Variants in TFRC observed in about 807,000 individuals in gnomAD.
The protein encoded by TFRC is transferrin receptor protein 1.
A neutral mutation model predicts 85.8 loss-of-function variants in TFRC; 35 were observed. That is an observed-to-expected ratio of 0.41 (90% CI 0.31 to 0.54). The LOEUF is 0.54. Among genes scored for constraint, TFRC ranks in the 20% least tolerant of loss-of-function variants. TFRC has a pLI of 0.31. For synonymous variants in TFRC, 362 were observed against 328.6 expected (o/e 1.10, Z -1.10); for missense variants, 828 against 921.5 (o/e 0.90, Z 1.31).
In TFRC at chr3:196,074,247, T is replaced by TAA. The variant is rs1053069092; in HGVS notation, c.239-124_239-123dup. ...GTTTTCATCAAATTCTAAGTAGTTT[T>TAA]AAAGTATATAATGCATCTCAGTTTT... On this transcript the variant is annotated intron_variant, in intron 3 of 18. Coordinates refer to ENST00000360110, the MANE Select transcript of TFRC (RefSeq NM_001128148.3). 2.0e-4 allele frequency: 179 copies of TAA among 875,136 alleles called. No individual in the cohort carries two copies. The African/African-American group carries it at 2.3e-3, about 11-fold the overall frequency. 54.2% of individuals were successfully genotyped at this position (875,136 alleles called of 1,614,324 possible).
In TFRC at chr3:196,051,816, G is replaced by T; in HGVS notation, c.*126C>A. 4 of 1,147,696 alleles carry T rather than the reference G, an allele frequency of 3.5e-6. No individual in the cohort carries two copies. Among genetic ancestry groups the T allele is most frequent in the Non-Finnish European group, 3.7e-6 (3 of 806,172 alleles). The allele number at this position is 1,147,696 out of a possible 1,614,324, so 71.1% of individuals were successfully genotyped here. A position where few individuals can be genotyped will look rare whatever the true frequency, so the allele number is the denominator to read the frequency against. Reference sequence around the variant, plus strand: ...AGCTGCTGCCTAAAGACATCTAGTAGTACCAAGATGATGGGATGGAATTTT... The same window carrying T: ...AGCTGCTGCCTAAAGACATCTAGTATTACCAAGATGATGGGATGGAATTTT... On this transcript the variant is annotated 3_prime_UTR_variant, in exon 19 of 19. Transcript: ENST00000360110.
Position 196,071,919 on chromosome 3 carries a change from A to C in TFRC, c.584+84T>G, listed in dbSNP as rs904106337. 1.6e-5 allele frequency: 24 copies of C among 1,480,686 alleles called. No homozygotes were observed. In the Admixed American group the frequency reaches 2.0e-4, roughly 12 times the overall value. The allele number at this position is 1,480,686 out of a possible 1,614,324, so 91.7% of individuals were successfully genotyped here. On this transcript the variant is annotated intron_variant, in intron 5 of 18. Transcript: ENST00000360110. ...ACTCCATTTCAAAAAAAAGCCAACAACACTAACAAAAAGTCTTTGCTATAT... is the reference window on the plus strand; with the variant it reads ...ACTCCATTTCAAAAAAAAGCCAACACCACTAACAAAAAGTCTTTGCTATAT...
At chr3:196,067,793 A>G (rs1408026761) in intron 8 of TFRC, 136 bp from the exon 9 acceptor site, 1 of 991,696 alleles carries the variant, frequency 1.0e-6, no homozygotes, top group Non-Finnish European at 1.5e-6. Context: ...TGGCTCTACA[A>G]TGTGACTCCT....
intron 16 of TFRC, among the ~76,000 whole-genome samples, chr3:196,057,522 G>A (rs1455948938): frequency 6.6e-6 from 1 of 152,152 alleles, no homozygotes; most frequent in African/African-American, 2.4e-5. Context: ...GGATTTGTCT[G>A]CGGCTTGTCC....
chr3:196,073,986 G>C lies in TFRC; in HGVS notation c.378C>G (p.Asp126Glu). Residue 126 changes from aspartate (D) to glutamate (E), a missense_variant, in exon 4 of 19, where the codon GAC becomes GAG. Coordinates refer to ENST00000360110, the MANE Select transcript of TFRC (RefSeq NM_001128148.3). Reference protein sequence around the residue: ...FPAARRLYWDDLKRKLSEKLD... With the variant: ...FPAARRLYWDELKRKLSEKLD... ...GTTTCTCCGACAACTTTCTCTTCAG[G>C]TCATCCCAATATAAGCGACGTGCTG... 1 of 1,614,048 alleles carries C rather than the reference G, an allele frequency of 6.2e-7. No individual in the cohort carries two copies. The highest frequency in any genetic ancestry group is 8.5e-7 in the Non-Finnish European group (1 of 1,180,024).
chr3:196,054,049 C>A (rs1716567775), intron 17 of TFRC, among the ~76,000 whole-genome samples: 2 of 152,106 alleles, frequency 1.3e-5, no homozygotes, highest in African/African-American at 4.8e-5. Flanking sequence ...CCAGCCTGGC[C>A]AACATGGTAA....
At position 196,075,163 on chromosome 3, in the gene TFRC, C is replaced by A; in HGVS notation, c.234G>T (p.Leu78Phe). ...YGTIAVIVFF[L>F]IGFMIGYLGY... is the part of the protein sequence containing the mutation. The stretch of plus-strand genomic sequence containing the variant: ...GTTTGGAATGGTCATTCTCACCAAT[C>A]AAGAAAAAGACGATCACAGCAATAG... The change falls in exon 3 of 19, where the codon TTG becomes TTT. Residue 78 changes from leucine (L) to phenylalanine (F), a missense_variant. Physicochemically the swap from Leu to Phe is conservative, Grantham distance 22. Coordinates refer to ENST00000360110, the MANE Select transcript of TFRC (RefSeq NM_001128148.3). The A allele has an allele frequency of 6.2e-7, 1 of 1,605,170 alleles. No individual in the cohort carries two copies. The highest frequency in any genetic ancestry group is 8.5e-7 in the Non-Finnish European group (1 of 1,173,832).
intron 13 of TFRC, among the ~76,000 whole-genome samples, chr3:196,062,217 CA>C (rs150142146): frequency 0.34 from 46,052 of 135,088 alleles, 7,335 homozygotes; most frequent in Non-Finnish European, 0.4. Flanking sequence ...GACCCTGTCT[CA>C]AAAAAAAAAA....
intron 2 of TFRC, among the ~76,000 whole-genome samples, chr3:196,076,603 T>C (rs1458679714): frequency 2.0e-5 from 3 of 151,888 alleles, no homozygotes; most frequent in South Asian, 2.1e-4. Context: ...GCATGCGCCA[T>C]GACACTCAGC....
At position 196,077,136 on chromosome 3, in the gene TFRC, TAG is replaced by T. The variant is rs756516936; in HGVS notation, c.-23-16_-23-15del. On this transcript the variant is annotated splice_polypyrimidine_tract_variant and intron_variant, in intron 1 of 18. Transcript: ENST00000360110. ...ACACAGAAGAACCTAGGTATCAGAATAGAGAATTATTGAGAAAGATACTACTG... is the reference window on the plus strand; with the variant it reads ...ACACAGAAGAACCTAGGTATCAGAATAGAATTATTGAGAAAGATACTACTG... 1 of 1,600,920 alleles carries T rather than the reference TAG, an allele frequency of 6.2e-7. No individual in the cohort carries two copies. The highest frequency in any genetic ancestry group is 2.2e-5 in the East Asian group (1 of 44,720).
chr3:196,076,858 T>C (rs41300437), intron 2 of TFRC, among the ~76,000 whole-genome samples: 71 of 152,318 alleles, frequency 4.7e-4, no homozygotes, highest in African/African-American at 1.7e-3. Context: ...AGAACCACTC[T>C]GAGAATTCTT....
intron 4 of TFRC, 34 bp downstream of exon 4, chr3:196,073,896 T>A (rs1015345942): frequency 2.5e-6 from 4 of 1,583,496 alleles, no homozygotes; most frequent in Non-Finnish European, 3.4e-6. Flanking sequence ...CTTGAATTAC[T>A]TGTCTAGATA....
intron 9 of TFRC, among the ~76,000 whole-genome samples, chr3:196,066,259 C>A (rs1401253594): frequency 1.3e-5 from 2 of 152,150 alleles, no homozygotes; most frequent in Non-Finnish European, 2.9e-5. Context: ...CCAACTGTCA[C>A]CACTAACAAG....
In TFRC at chr3:196,067,498, G is replaced by A. The variant is rs371127130; in HGVS notation, c.1040+20C>T. ...TCATAAAACCTCACTATGCAAGACC[G>A]CTTTCAAATAAAAACTTACCCAAAC... On this transcript the variant is annotated intron_variant, in intron 9 of 18. Transcript: ENST00000360110. 5.4e-5 allele frequency: 87 copies of A among 1,610,186 alleles called. No homozygotes were observed. The highest frequency in any genetic ancestry group is 6.5e-5 in the Non-Finnish European group (77 of 1,177,876).
At chr3:196,065,695 A>G (rs941289818) in intron 9 of TFRC, 95 bp from the exon 10 acceptor site, 9 of 1,369,938 alleles carry the variant, frequency 6.6e-6, no homozygotes, top group Non-Finnish European at 8.7e-6. Flanking sequence ...GGACATATAA[A>G]CAAAACTTAC....
At chr3:196,067,782 G>C in intron 8 of TFRC, 125 bp from the exon 9 acceptor site, 1 of 1,124,050 alleles carries the variant, frequency 8.9e-7, no homozygotes, top group Non-Finnish European at 1.3e-6. Context: ...AAAAATCTGA[G>C]TGGCTCTACA....
chr3:196,064,771 C>T (rs1700423731), intron 10 of TFRC, among the ~76,000 whole-genome samples: 1 of 152,240 alleles, frequency 6.6e-6, no homozygotes, highest in African/African-American at 2.4e-5. Context: ...TACGCACAGT[C>T]TGTGCCTGTT....
intron 11 of TFRC, chr3:196,063,196 T>C (rs1003139312): frequency 2.6e-5 from 10 of 380,036 alleles, no homozygotes; most frequent in South Asian, 2.9e-5. Flanking sequence ...AAATAAGATT[T>C]TGAGTACATA....
chr3:196,065,588 T>C lies in TFRC; in HGVS notation c.1053A>G (p.Gly351=), dbSNP rs532098606. The C allele has an allele frequency of 1.2e-4, 196 of 1,602,924 alleles. No individual in the cohort carries two copies. The South Asian group carries it at 2.1e-3, about 17-fold the overall frequency. ...CTGTTTTCCAGTCAGAGGGACAGTC[T>C]CCTTCCATATTCCTAGAATCAGAAA... is the stretch of plus-strand genomic sequence containing the variant. ...AAEKLFGNME[G]DCPSDWKTDS... is the part of the protein sequence containing the mutation. The change falls in exon 10 of 19, where the codon GGA becomes GGG. Residue 351 remains glycine, a synonymous_variant. Transcript: ENST00000360110.
Sources: allele counts gnomAD v4.1 joint callset (sites outside exome capture counted in the v4.1 genomes callset), GRCh38; gene constraint gnomAD v4.1.1; transcripts MANE v1.5; gene names NCBI Gene and HGNC (gene_info 2026-07-23, HGNC 2026-07-21).